The following VPS53 variants were observed in gnomAD, a reference collection of about 807,000 sequenced individuals.
VPS53 encodes the protein vacuolar protein sorting-associated protein 53 homolog.
A neutral mutation model predicts 107.0 loss-of-function variants in VPS53; 70 were observed. The ratio of observed to expected loss-of-function variants is 0.65; its 90% CI spans 0.54 to 0.80. The LOEUF (loss-of-function observed/expected upper bound fraction) is 0.80, where lower values mean the gene tolerates loss of function less well. Among genes scored for constraint, VPS53 ranks in the 30% least tolerant of loss-of-function variants. The pLI is 0.00. For synonymous variants in VPS53, 409 were observed against 393.3 expected (o/e 1.04, Z -0.47); for missense variants, 917 against 1,049.4 (o/e 0.87, Z 1.74).
intron 4 of VPS53, among the ~76,000 whole-genome samples, chr17:663,616 T>G (rs888610025): frequency 6.6e-6 from 1 of 152,108 alleles, no homozygotes; most frequent in Admixed American, 6.5e-5. Context: ...AGCTAAAGTG[T>G]CTGTGAGCGT....
At chr17:669,710 G>A (rs1242180664) in intron 4 of VPS53, among the ~76,000 whole-genome samples, 2 of 151,612 alleles carry the variant, frequency 1.3e-5, no homozygotes, top group Non-Finnish European at 2.9e-5. Context: ...TGCCCAACAT[G>A]GTGAAACCCC....
chr17:585,019 C>T (rs375799029), intron 13 of VPS53, among the ~76,000 whole-genome samples: 1 of 152,264 alleles, frequency 6.6e-6, no homozygotes, highest in East Asian at 1.9e-4. Context: ...ACAACGCTTC[C>T]GTCAGGAATC....
chr17:590,459 T>C (rs1045743459), intron 12 of VPS53, among the ~76,000 whole-genome samples: 1 of 151,312 alleles, frequency 6.6e-6, no homozygotes, highest in African/African-American at 2.4e-5. Context: ...TTGTGCCAGT[T>C]TTCAAAGGGA....
intron 12 of VPS53, among the ~76,000 whole-genome samples, chr17:591,296 T>G (rs1039971346): frequency 6.6e-5 from 10 of 152,366 alleles, no homozygotes; most frequent in African/African-American, 1.2e-4. Flanking sequence ...TTGCTAGCAG[T>G]CTATCAATTT....
intron 19 of VPS53, among the ~76,000 whole-genome samples, chr17:522,558 A>C (rs894096895): frequency 4.6e-5 from 7 of 152,280 alleles, no homozygotes; most frequent in Non-Finnish European, 8.8e-5. Context: ...TCTGCCAGCC[A>C]TGCAGACTGC....
intron 7 of VPS53, among the ~76,000 whole-genome samples, chr17:649,686 G>T (rs527678828): frequency 0.014 from 2,136 of 150,956 alleles, 18 homozygotes; most frequent in Middle Eastern, 0.031. Flanking sequence ...TCTTACACTG[G>T]AGGACAGAGG....
At chr17:704,719 A>G (rs913231587) in intron 2 of VPS53, among the ~76,000 whole-genome samples, 1 of 152,258 alleles carries the variant, frequency 6.6e-6, no homozygotes, top group Non-Finnish European at 1.5e-5. Flanking sequence ...GACAAGACAC[A>G]GAACTGAATC....
At chr17:549,788 T>C (rs2151835162) in intron 17 of VPS53, among the ~76,000 whole-genome samples, 1 of 152,308 alleles carries the variant, frequency 6.6e-6, no homozygotes, top group African/African-American at 2.4e-5. Context: ...TCACTTTGCC[T>C]GCTCAGAGTG....
At chr17:711,437 C>T (rs1973639092) in intron 1 of VPS53, among the ~76,000 whole-genome samples, 1 of 152,174 alleles carries the variant, frequency 6.6e-6, no homozygotes, top group Non-Finnish European at 1.5e-5. Context: ...AAGCTGAAGC[C>T]TTCTACCACA....
chr17:552,089 C>G, intron 16 of VPS53, 139 bp from the exon 17 acceptor site: 1 of 716,272 alleles, frequency 1.4e-6, no homozygotes, highest in African/African-American at 1.8e-5. Context: ...AGCGGAGGAA[C>G]AGCTTGGCTC....
chr17:566,475 G>A (rs886176867), intron 13 of VPS53, among the ~76,000 whole-genome samples: 4 of 152,112 alleles, frequency 2.6e-5, no homozygotes, highest in African/African-American at 4.8e-5. Flanking sequence ...CGGCCCGCCC[G>A]TCATGCCAAT....
At position 517,962 on chromosome 17, in the gene VPS53, G is replaced by C. The variant is rs1474549428; in HGVS notation, c.*1166C>G. ...CACCTTGCAAATTTTTATTTTTGTA[G>C]ACATCTGTATGTTGCCCAGGCTGGT... On this transcript the variant is annotated 3_prime_UTR_variant, in exon 22 of 22. Transcript: ENST00000437048. 1 of 152,334 alleles carries C rather than the reference G, an allele frequency of 6.6e-6. No homozygotes were observed. Among genetic ancestry groups the C allele is most frequent in the African/African-American group, 2.4e-5 (1 of 41,448 alleles). The allele number at this position is 152,334 out of a possible 1,614,324, so 9.4% of individuals were successfully genotyped here.
chr17:652,688 T>C (rs761127868), intron 7 of VPS53, among the ~76,000 whole-genome samples: 22 of 152,242 alleles, frequency 1.4e-4, no homozygotes, highest in Non-Finnish European at 3.1e-4. Flanking sequence ...AGGGATGAGC[T>C]GGTCCCCGAG....
chr17:699,258 G>T, intron 3 of VPS53, 73 bp downstream of exon 3: 3 of 1,252,220 alleles, frequency 2.4e-6, no homozygotes, highest in Non-Finnish European at 3.2e-6. Flanking sequence ...AGAAAAATGT[G>T]ATCCAGAATG....
rs554591694 is a variant in VPS53 at position 586,599 on chromosome 17, T to C, written c.1219-235A>G. On this transcript the variant is annotated intron_variant, in intron 12 of 21. Transcript: ENST00000437048. The stretch of plus-strand genomic sequence containing the variant: ...GACATACTGCTACCTGGATAACATA[T>C]GTGTTTTGAATCTGGAAGCAAGTCA... Among the ~76,000 whole-genome samples the C allele has an allele frequency of 1.3e-4, 20 of 152,362 alleles. No individual in the cohort carries two copies. In the South Asian group the frequency reaches 2.5e-3, roughly 19 times the overall value.
chr17:532,956 A>C lies in VPS53; in HGVS notation c.2016-45T>G, dbSNP rs79639543. ...GACAAATTAGGCTTATTCTCTCTTG[A>C]GGAAAGAAATGCAAAAACTTTAAGG... On this transcript the variant is annotated intron_variant, in intron 18 of 21. Coordinates refer to ENST00000437048, the MANE Select transcript of VPS53 (RefSeq NM_001128159.3). 11,991 of 1,591,708 alleles carry C rather than the reference A, an allele frequency of 7.5e-3. 760 individuals are homozygous for C. In the African/African-American group the frequency reaches 0.14, roughly 19 times the overall value.
At chr17:657,226 T>C (rs1971230524) in intron 5 of VPS53, 12 of 1,347,664 alleles carry the variant, frequency 8.9e-6, no homozygotes, top group Non-Finnish European at 1.3e-5. Context: ...CAACTTGTAC[T>C]TGGTCTCCTC....
Position 665,005 on chromosome 17 carries a change from C to T in VPS53, c.286-3110G>A, listed in dbSNP as rs73975800. On this transcript the variant is annotated intron_variant, in intron 4 of 21. Coordinates refer to ENST00000437048, the MANE Select transcript of VPS53 (RefSeq NM_001128159.3). The stretch of plus-strand genomic sequence containing the variant: ...GAAGTGAAGAGTCCCATCTGCAATA[C>T]GTTACGGGTGCCTGTGCTATGGCTG... Among the ~76,000 whole-genome samples the T allele has an allele frequency of 2.6e-3, 401 of 152,170 alleles. 3 individuals carry two copies. The highest frequency in any genetic ancestry group is 9.3e-3 in the African/African-American group (388 of 41,516).
At chr17:712,513 T>C (rs1457419606) in intron 1 of VPS53, among the ~76,000 whole-genome samples, 3 of 152,072 alleles carry the variant, frequency 2.0e-5, no homozygotes, top group African/African-American at 7.2e-5. Flanking sequence ...TGGGACTTCA[T>C]CTTGGAGTAA....
Sources: gnomAD v4.1 joint callset for allele counts (sites outside exome capture counted in the v4.1 genomes callset) on GRCh38, gnomAD v4.1.1 for gene constraint, MANE v1.5 for transcripts, NCBI Gene and HGNC (gene_info 2026-07-23, HGNC 2026-07-21) for gene names.